SH2D3C: variants seen among roughly 807,000 people sequenced by gnomAD.
The protein encoded by SH2D3C is SH2 domain containing 3C, also known as SH2 domain-containing protein 3C.
SH2D3C carries 25 observed loss-of-function variants against 75.2 expected under a neutral mutation model. The ratio of observed to expected loss-of-function variants is 0.33; its 90% CI spans 0.24 to 0.46. The LOEUF is 0.46. Ranked by LOEUF, SH2D3C falls within the 20% of genes least tolerant of loss-of-function variation. The pLI, the probability that SH2D3C is intolerant of heterozygous loss-of-function variation, is 1.00. For synonymous variants in SH2D3C, 450 were observed against 473.7 expected, an observed-to-expected ratio of 0.95 and a Z score of 0.65; for missense variants, 933 against 1,165.3, an observed-to-expected ratio of 0.80 and a Z score of 2.90.
chr9:127,765,318 T>G (rs1845613282), intron 2 of SH2D3C, among the ~76,000 whole-genome samples: 1 of 152,176 alleles, frequency 6.6e-6, no homozygotes, highest in South Asian at 2.1e-4. Flanking sequence ...AGCACGCATT[T>G]CCTCTCATGC....
rs774886876 is a variant in SH2D3C at position 127,745,113 on chromosome 9, G to A, written c.1265-14C>T. On this transcript the variant is annotated splice_polypyrimidine_tract_variant and intron_variant, in intron 6 of 11. Coordinates refer to ENST00000314830, the MANE Select transcript of SH2D3C (RefSeq NM_170600.3). ...GGACACGGGTTACTGCAGAAAGGTA[G>A]AGAGAGAGGCCCCGTTATAGCAGCT... 1.5e-5 allele frequency: 22 copies of A among 1,484,910 alleles called. No homozygotes were observed. The African/African-American group carries it at 2.9e-4, about 20-fold the overall frequency. 92.0% of individuals were successfully genotyped at this position (1,484,910 alleles called of 1,614,324 possible).
intron 9 of SH2D3C, among the ~76,000 whole-genome samples, chr9:127,741,180 C>T (rs981776231): frequency 6.6e-6 from 1 of 151,900 alleles, no homozygotes; most frequent in Non-Finnish European, 1.5e-5. Context: ...TGGTTAAGCA[C>T]TTAGTATAGC....
chr9:127,747,082 A>G, intron 6 of SH2D3C, 65 bp downstream of exon 6: 2 of 1,554,806 alleles, frequency 1.3e-6, no homozygotes, highest in Non-Finnish European at 1.7e-6. Flanking sequence ...ATAACCACAC[A>G]TAGGTGACAG....
intron 1 of SH2D3C, among the ~76,000 whole-genome samples, chr9:127,775,319 C>A (rs1487826294): frequency 6.6e-6 from 1 of 152,110 alleles, no homozygotes; most frequent in East Asian, 1.9e-4. Context: ...CATAGCAAGA[C>A]CCTGTCTCTA....
chr9:127,771,139 T>C, intron 2 of SH2D3C: 2 of 1,435,206 alleles, frequency 1.4e-6, no homozygotes, highest in East Asian at 2.7e-5. Flanking sequence ...TCCTTCGACC[T>C]CTCCTGCTCC....
chr9:127,759,710 G>A (rs10046866), intron 3 of SH2D3C, among the ~76,000 whole-genome samples: 1,756 of 151,886 alleles, frequency 0.012, 77 homozygotes, highest in Admixed American at 0.07. Flanking sequence ...TTGGCCGGGC[G>A]TGGTGGCTCA....
intron 7 of SH2D3C, 40 bp from the exon 8 acceptor site, chr9:127,743,004 G>A (rs1218024261): frequency 6.6e-7 from 1 of 1,504,624 alleles, no homozygotes; most frequent in Non-Finnish European, 9.2e-7. Context: ...ATCCTGTCAG[G>A]GCTGGCCCCA....
intron 2 of SH2D3C, among the ~76,000 whole-genome samples, chr9:127,768,792 C>G (rs1845682006): frequency 6.6e-6 from 1 of 151,960 alleles, no homozygotes; most frequent in Admixed American, 6.6e-5. Flanking sequence ...CCTGTCCTCC[C>G]CACCTTGCTC....
chr9:127,740,150 A>C (rs978860859), intron 10 of SH2D3C, 108 bp downstream of exon 10: 4 of 930,114 alleles, frequency 4.3e-6, no homozygotes, highest in Non-Finnish European at 6.7e-6. Flanking sequence ...GCTCAGGGAA[A>C]GTAGCTTGCA....
At chr9:127,765,598 AC>A in intron 2 of SH2D3C, among the ~76,000 whole-genome samples, 1 of 151,008 alleles carries the variant, frequency 6.6e-6, no homozygotes, top group Admixed American at 6.6e-5. Flanking sequence ...AAAGAGCTCC[AC>A]CCCCTGCAGC....
chr9:127,762,364 C>T, intron 2 of SH2D3C: 11 of 1,297,310 alleles, frequency 8.5e-6, no homozygotes, highest in Non-Finnish European at 1.0e-5. Flanking sequence ...ACCTGCCCCT[C>T]CAACCCCAGA....
intron 6 of SH2D3C, among the ~76,000 whole-genome samples, chr9:127,745,378 C>T (rs554195119): frequency 1.6e-3 from 249 of 151,912 alleles, no homozygotes; most frequent in Middle Eastern, 0.014. Flanking sequence ...CTTCAGTGAT[C>T]CGGGGAAGCT....
intron 2 of SH2D3C, among the ~76,000 whole-genome samples, chr9:127,772,175 A>G (rs61544907): frequency 0.066 from 10,070 of 151,468 alleles, 735 homozygotes; most frequent in African/African-American, 0.18. Flanking sequence ...GAAAGTTACC[A>G]GAAAAAAACA....
intron 2 of SH2D3C, 71 bp downstream of exon 2, chr9:127,773,919 A>T: frequency 2.2e-6 from 1 of 457,696 alleles, no homozygotes; most frequent in Non-Finnish European, 3.4e-6. Flanking sequence ...CTCTGTGTCA[A>T]AAAAAAAAAA....
chr9:127,748,539 G>A (rs978006681), intron 5 of SH2D3C, among the ~76,000 whole-genome samples: 1 of 152,218 alleles, frequency 6.6e-6, no homozygotes, highest in Admixed American at 6.5e-5. Flanking sequence ...TCTCTAGCAA[G>A]CGGCTTCCCC....
intron 1 of SH2D3C, among the ~76,000 whole-genome samples, chr9:127,777,330 T>C (rs1422821330): frequency 6.6e-6 from 1 of 152,060 alleles, no homozygotes; most frequent in Non-Finnish European, 1.5e-5. Context: ...CTAGTACCTC[T>C]GTGCTCTTTC....
At chr9:127,770,106 G>A (rs1424292479) in intron 2 of SH2D3C, among the ~76,000 whole-genome samples, 1 of 152,144 alleles carries the variant, frequency 6.6e-6, no homozygotes, top group Non-Finnish European at 1.5e-5. Context: ...GAAGACTGAA[G>A]GTCCTTGGGA....
chr9:127,763,681 T>A (rs2131796602), intron 2 of SH2D3C, among the ~76,000 whole-genome samples: 1 of 152,274 alleles, frequency 6.6e-6, no homozygotes, highest in Non-Finnish European at 1.5e-5. Context: ...GAGTCAAATA[T>A]TGGACCTCCT....
intron 3 of SH2D3C, among the ~76,000 whole-genome samples, chr9:127,753,182 G>C (rs1363995005): frequency 1.3e-5 from 2 of 152,158 alleles, no homozygotes. Flanking sequence ...AAGTGTTGGG[G>C]CAGGTTTAGT....
Sources: allele counts gnomAD v4.1 joint callset (sites outside exome capture counted in the v4.1 genomes callset), GRCh38; gene constraint gnomAD v4.1.1; transcripts MANE v1.5; gene names NCBI Gene and HGNC (gene_info 2026-07-23, HGNC 2026-07-21).